The following IL16 variants were observed in gnomAD, a reference collection of about 807,000 sequenced individuals.
IL16 encodes interleukin 16.
In IL16, 67 loss-of-function variants were observed where a neutral mutation model predicts 110.1. That is an observed-to-expected ratio of 0.61 (90% confidence interval 0.50 to 0.75). The LOEUF is 0.75. Ranked by LOEUF, IL16 falls within the 30% of genes least tolerant of loss-of-function variation. The pLI is 0.00. For synonymous variants in IL16, 689 were observed against 662.9 expected (o/e 1.04, Z -0.61); for missense variants, 1,545 against 1,655.0 (o/e 0.93, Z 1.15).
intron 13 of IL16, among the ~76,000 whole-genome samples, chr15:81,298,661 C>T (rs142886694): frequency 1.4e-3 from 206 of 152,322 alleles, no homozygotes; most frequent in Non-Finnish European, 2.6e-3. Context: ...TTCACAGATT[C>T]CTTTCTACCT....
At position 81,305,903 on chromosome 15, in the gene IL16, C is replaced by A; in HGVS notation, c.3421-5C>A. The A allele has an allele frequency of 1.2e-6, 2 of 1,613,432 alleles. No individual in the cohort carries two copies. Among genetic ancestry groups the A allele is most frequent in the Non-Finnish European group, 1.7e-6 (2 of 1,179,544 alleles). On this transcript the variant is annotated splice_region_variant and splice_polypyrimidine_tract_variant and intron_variant, in intron 16 of 18. Coordinates refer to ENST00000683961, the MANE Select transcript of IL16 (RefSeq NM_172217.5). ...TCTGGTCCTGACTTCCTTTGGTTTGCTCAGGTTCACAGAGTGTTTCCAAAT... is the reference window on the plus strand; with the variant it reads ...TCTGGTCCTGACTTCCTTTGGTTTGATCAGGTTCACAGAGTGTTTCCAAAT...
Position 81,282,778 on chromosome 15 carries a change from TGAATATA to T in IL16, c.1199+23_1199+29del, listed in dbSNP as rs372370287. On this transcript the variant is annotated intron_variant, in intron 9 of 18. Transcript: ENST00000683961. ...TCCGGTATGTCCTCACTTCTGTTTC[TGAATATA>T]CCCCCGACTTACAACCAGGAAAGAA... The T allele has an allele frequency of 5.6e-4, 836 of 1,493,388 alleles. 6 individuals carry two copies. In the African/African-American group the frequency reaches 9.5e-3, roughly 17 times the overall value. The allele number at this position is 1,493,388 out of a possible 1,614,324, so 92.5% of individuals were successfully genotyped here.
intron 4 of IL16, 42 bp from the exon 5 acceptor site, chr15:81,269,496 C>A: frequency 7.4e-7 from 1 of 1,348,508 alleles, no homozygotes; most frequent in Non-Finnish European, 1.1e-6. Flanking sequence ...TGCTGCTGTC[C>A]TATGTGGCTA....
chr15:81,299,615 C>A lies in IL16; in HGVS notation c.2289C>A (p.Thr763=), dbSNP rs200130749. ...HPDGTPPKLD[T]ANGTPKVYKS... ...ATGGGACCCCACCAAAGCTGGACAC[C>A]GCCAATGGCACTCCCAAAGTTTACA... is the stretch of plus-strand genomic sequence containing the variant. The change falls in exon 14 of 19, where the codon ACC becomes ACA. Residue 763 remains threonine, a synonymous_variant. Coordinates refer to ENST00000683961, the MANE Select transcript of IL16 (RefSeq NM_172217.5). 1.2e-5 allele frequency: 20 copies of A among 1,614,086 alleles called. No homozygotes were observed. Among genetic ancestry groups the A allele is most frequent in the Non-Finnish European group, 1.7e-5 (20 of 1,180,042 alleles).
Position 81,313,156 on chromosome 15 carries a change from T to C in IL16, c.*4358T>C. 3 of 1,347,836 alleles carry C rather than the reference T, an allele frequency of 2.2e-6. No individual in the cohort carries two copies. In the East Asian group the frequency reaches 8.3e-5, roughly 37 times the overall value. 83.5% of individuals were successfully genotyped at this position (1,347,836 alleles called of 1,614,324 possible). A position where few individuals can be genotyped will look rare whatever the true frequency, so the allele number is the denominator to read the frequency against. On this transcript the variant is annotated 3_prime_UTR_variant, in exon 19 of 19. Coordinates refer to ENST00000683961, the MANE Select transcript of IL16 (RefSeq NM_172217.5). Reference sequence around the variant, plus strand: ...CAGTCCATCAGCTTGTTCCAAAGAGTGAACACAGGCCTCTGCGTGCTCCCA... The same window carrying C: ...CAGTCCATCAGCTTGTTCCAAAGAGCGAACACAGGCCTCTGCGTGCTCCCA...
chr15:81,296,903 G>A (rs758258331), intron 12 of IL16, 25 bp from the exon 13 acceptor site: 1 of 1,569,358 alleles, frequency 6.4e-7, no homozygotes, highest in Non-Finnish European at 8.7e-7. Context: ...TTTTGACATG[G>A]TCTCGCTTCC....
chr15:81,210,951 C>T (rs1412852260), intron 1 of IL16, among the ~76,000 whole-genome samples: 1 of 152,158 alleles, frequency 6.6e-6, no homozygotes, highest in African/African-American at 2.4e-5. Context: ...CCAGCTTTTT[C>T]CCATTCAGTA....
At chr15:81,241,140 T>A (rs568191418) in intron 2 of IL16, among the ~76,000 whole-genome samples, 80 of 152,248 alleles carry the variant, frequency 5.3e-4, no homozygotes, top group Non-Finnish European at 1.6e-4. Flanking sequence ...AGGCTCTCTA[T>A]TCTATTCCAT....
At chr15:81,262,743 CCAACATA>C in intron 3 of IL16, among the ~76,000 whole-genome samples, 1 of 152,024 alleles carries the variant, frequency 6.6e-6, no homozygotes, top group South Asian at 2.1e-4. Context: ...ACCAGCCTGA[CCAACATA>C]GAGAAACCCT....
chr15:81,297,040 C>T lies in IL16; in HGVS notation c.2015C>T (p.Ser672Phe). The change falls in exon 13 of 19, where the codon TCC becomes TTC. Residue 672 changes from serine (S) to phenylalanine (F), a missense_variant. Ser to Phe is a radical substitution (Grantham distance 155). Transcript: ENST00000683961. Reference sequence around the variant, plus strand: ...GGTATCGGCCCACAGACCAAGTCCTCCACAGAGGGCGAGCCAGGGTGGAGA... The same window carrying T: ...GGTATCGGCCCACAGACCAAGTCCTTCACAGAGGGCGAGCCAGGGTGGAGA... ...GPGIGPQTKS[S>F]TEGEPGWRRA... The T allele has an allele frequency of 6.2e-7, 1 of 1,613,916 alleles. No homozygotes were observed.
At chr15:81,188,382 G>A (rs368185565) in intron 1 of IL16, 1 of 456,358 alleles carries the variant, frequency 2.2e-6, no homozygotes. Context: ...GGGCGAGATG[G>A]AGCTGAGGGA....
intron 2 of IL16, among the ~76,000 whole-genome samples, chr15:81,247,499 C>A (rs1455218505): frequency 6.6e-6 from 1 of 151,990 alleles, no homozygotes; most frequent in Non-Finnish European, 1.5e-5. Flanking sequence ...AAATCAAAAC[C>A]TTTTTCTTTT....
intron 1 of IL16, among the ~76,000 whole-genome samples, chr15:81,201,289 A>C (rs966074713): frequency 5.9e-5 from 9 of 151,978 alleles, no homozygotes; most frequent in African/African-American, 2.2e-4. Context: ...ATGCACGCAC[A>C]CACCCCCATC....
At chr15:81,192,235 C>T (rs1017846589), upstream of IL16, among the ~76,000 whole-genome samples, 10 of 152,056 alleles carry the variant, frequency 6.6e-5, no homozygotes, top group African/African-American at 1.9e-4. Flanking sequence ...GATCAGTATT[C>T]GGGAGTTCTG....
At position 81,265,778 on chromosome 15, in the gene IL16, G is replaced by A. The variant is rs201141132; in HGVS notation, c.541G>A (p.Asp181Asn). The A allele has an allele frequency of 2.1e-5, 34 of 1,613,442 alleles. 1 individual carries two copies. In the Admixed American group the frequency reaches 3.0e-4, roughly 14 times the overall value. ...CAGGAAGTCCCTCTCTCAACAATTG[G>A]ACTGTCCAGCAGGAAAGGCTGCGGT... ...SNRKSLSQQLDCPAGKAAGTS... is the reference protein window; with the variant it reads ...SNRKSLSQQLNCPAGKAAGTS... Residue 181 changes from aspartate to asparagine, a missense_variant, in exon 4 of 19, where the codon GAC becomes AAC. Asp to Asn is a conservative substitution (Grantham distance 23). This residue lies in a region of IL16 where 1,185 missense variants were observed against 1,238.8 expected (regional missense o/e 0.96). Coordinates refer to ENST00000683961, the MANE Select transcript of IL16 (RefSeq NM_172217.5).
chr15:81,263,346 A>ATT (rs10717016), intron 3 of IL16, among the ~76,000 whole-genome samples: 2 of 109,784 alleles, frequency 1.8e-5, no homozygotes, highest in Admixed American at 8.0e-5. Flanking sequence ...TTCAAAAACT[A>ATT]TTTTTTTTTG....
At chr15:81,199,028 AAAATATAT>A (rs1299932973) in intron 1 of IL16, among the ~76,000 whole-genome samples, 24 of 93,750 alleles carry the variant, frequency 2.6e-4, no homozygotes, top group Admixed American at 5.9e-4. Context: ...TCAAAAAAAA[AAAATATAT>A]ATATATATAT....
intron 1 of IL16, among the ~76,000 whole-genome samples, chr15:81,202,587 T>A (rs187262084): frequency 7.0e-4 from 106 of 152,096 alleles, no homozygotes; most frequent in African/African-American, 2.4e-3. Flanking sequence ...TGGTTTTTTG[T>A]CCTTGCAATA....
chr15:81,240,932 G>A (rs1279599407), intron 2 of IL16, among the ~76,000 whole-genome samples: 1 of 151,914 alleles, frequency 6.6e-6, no homozygotes, highest in Non-Finnish European at 1.5e-5. Context: ...AAACATCTTA[G>A]AGTTTTGCCT....
Sources: allele counts gnomAD v4.1 joint callset (sites outside exome capture counted in the v4.1 genomes callset), GRCh38; gene constraint gnomAD v4.1.1; regional missense constraint gnomAD v4.1.1; transcripts MANE v1.5; gene names NCBI Gene and HGNC (gene_info 2026-07-23, HGNC 2026-07-21).